The following TTC23 variants were observed in gnomAD, a reference collection of about 807,000 sequenced individuals.
The protein encoded by TTC23 is tetratricopeptide repeat domain 23, also known as tetratricopeptide repeat protein 23.
A neutral mutation model predicts 55.1 loss-of-function variants in TTC23; 58 were observed. The observed-to-expected ratio is 1.05, with a 90% CI of 0.85 to 1.31. The LOEUF (loss-of-function observed/expected upper bound fraction) is 1.31, where lower values mean the gene tolerates loss of function less well. Among genes scored for constraint, TTC23 ranks in the 50% most tolerant of loss-of-function variants. The pLI is 0.00. For synonymous variants in TTC23, 203 were observed against 199.9 expected (o/e 1.02, Z -0.13); for missense variants, 516 against 534.4 (o/e 0.97, Z 0.34).
At chr15:99,167,935 C>G (rs1031032976) in intron 10 of TTC23, among the ~76,000 whole-genome samples, 6 of 152,224 alleles carry the variant, frequency 3.9e-5, no homozygotes, top group African/African-American at 1.4e-4. Context: ...CTGGCGCTAA[C>G]CTGGAGGAGC....
At chr15:99,189,908 G>GC (rs1567435762) in intron 9 of TTC23, among the ~76,000 whole-genome samples, 1 of 152,172 alleles carries the variant, frequency 6.6e-6, no homozygotes, top group African/African-American at 2.4e-5. Flanking sequence ...CAGGAGTAGT[G>GC]ATTCATGCCT....
At chr15:99,175,538 A>C (rs140232252) in intron 9 of TTC23, among the ~76,000 whole-genome samples, 304 of 152,354 alleles carry the variant, frequency 2.0e-3, no homozygotes, top group African/African-American at 5.2e-3. Context: ...GCCAGCCCCA[A>C]AAGTGGGACC....
chr15:99,238,632 T>C (rs1012657194), intron 3 of TTC23, among the ~76,000 whole-genome samples: 1 of 152,106 alleles, frequency 6.6e-6, no homozygotes, highest in African/African-American at 2.4e-5. Context: ...ATTTGGTGTA[T>C]GTGAAATGAG....
intron 10 of TTC23, among the ~76,000 whole-genome samples, chr15:99,174,774 T>C (rs2073350324): frequency 6.6e-6 from 1 of 152,178 alleles, no homozygotes; most frequent in African/African-American, 2.4e-5. Context: ...GTAAGCCCAG[T>C]ACAGATGCTC....
At chr15:99,215,564 G>C (rs545681829) in intron 8 of TTC23, among the ~76,000 whole-genome samples, 1 of 152,106 alleles carries the variant, frequency 6.6e-6, no homozygotes, top group African/African-American at 2.4e-5. Context: ...GGGCAACATA[G>C]CGAAATTTCA....
At chr15:99,198,556 C>T (rs897725644) in intron 9 of TTC23, among the ~76,000 whole-genome samples, 1 of 152,228 alleles carries the variant, frequency 6.6e-6, no homozygotes, top group Non-Finnish European at 1.5e-5. Flanking sequence ...CCAATCCATT[C>T]TCTACAAATC....
At chr15:99,150,119 T>C (rs2069504501) in intron 12 of TTC23, among the ~76,000 whole-genome samples, 2 of 152,228 alleles carry the variant, frequency 1.3e-5, no homozygotes, top group African/African-American at 4.8e-5. Context: ...GAGGTGCTGA[T>C]GGTTGGAAAA....
chr15:99,140,380 A>G (rs2068086331), intron 12 of TTC23: 1 of 152,052 alleles, frequency 6.6e-6, no homozygotes, highest in South Asian at 2.1e-4. Context: ...ATATATATAT[A>G]TATTTTTTGA....
Position 99,156,088 on chromosome 15 carries a change from A to G in TTC23, c.1143+60T>C, listed in dbSNP as rs560695681. The G allele has an allele frequency of 1.9e-5, 30 of 1,607,632 alleles. No homozygotes were observed. The East Asian group carries it at 6.7e-4, about 36-fold the overall frequency. ...AAAAGAACCACCACAAGGGAGAGAA[A>G]TTGACCTTGGAGAGGGGAGGGAGAG... On this transcript the variant is annotated intron_variant, in intron 12 of 13. Transcript: ENST00000394132.
intron 10 of TTC23, among the ~76,000 whole-genome samples, chr15:99,171,926 A>G (rs2072997118): frequency 1.3e-5 from 2 of 152,026 alleles, no homozygotes; most frequent in Admixed American, 6.6e-5. Flanking sequence ...CTAATGCAGA[A>G]GTCACCCCCT....
intron 8 of TTC23, among the ~76,000 whole-genome samples, chr15:99,216,111 G>A (rs73469342): frequency 6.6e-6 from 1 of 152,094 alleles, no homozygotes; most frequent in Non-Finnish European, 1.5e-5. Context: ...ATATAACAAT[G>A]CAATACAATT....
In TTC23 at chr15:99,200,046, G is replaced by T. The variant is rs1376277615; in HGVS notation, c.632C>A (p.Ala211Glu). Residue 211 changes from alanine (A) to glutamate (E), a missense_variant, in exon 9 of 14, where the codon GCA becomes GAA. Coordinates refer to ENST00000394132, the MANE Select transcript of TTC23 (RefSeq NM_001288615.3). ...ACTGATCTCAACATATTCCAAAGCTGCTTGATAGTGGGACAAAGCTTCTTT... is the reference window on the plus strand; with the variant it reads ...ACTGATCTCAACATATTCCAAAGCTTCTTGATAGTGGGACAAAGCTTCTTT... ...KSKEALSHYQAALEYVEISKG... is the reference protein window; with the variant it reads ...KSKEALSHYQEALEYVEISKG... 1 of 1,612,916 alleles carries T rather than the reference G, an allele frequency of 6.2e-7. No homozygotes were observed. Among genetic ancestry groups the T allele is most frequent in the Non-Finnish European group, 8.5e-7 (1 of 1,179,336 alleles).
rs777351335 is a variant in TTC23 at position 99,156,291 on chromosome 15, T to C, written c.1000A>G (p.Thr334Ala). ...LQMTGQKERA[T>A]SILRESLEAK... ...TCCAGGGACTCTCTCAGGATCGAGGTTGCTCTCTGTGAAAGGAACAAAAAG... is the reference window on the plus strand; with the variant it reads ...TCCAGGGACTCTCTCAGGATCGAGGCTGCTCTCTGTGAAAGGAACAAAAAG... The change falls in exon 12 of 14, where the codon ACC becomes GCC. Residue 334 changes from threonine (T) to alanine (A), a missense_variant. By Grantham distance (58) the Thr-to-Ala change is moderately conservative. Transcript: ENST00000394132. The C allele has an allele frequency of 1.1e-5, 17 of 1,614,142 alleles. No individual in the cohort carries two copies. The South Asian group carries it at 1.1e-4, about 10-fold the overall frequency.
chr15:99,139,922 C>CTT (rs2068031230), intron 12 of TTC23: 4 of 376,224 alleles, frequency 1.1e-5, no homozygotes, highest in South Asian at 1.0e-4. Flanking sequence ...CTTCTGCTTA[C>CTT]TTTAAGTCTT....
intron 5 of TTC23, 149 bp from the exon 6 acceptor site, chr15:99,222,013 A>C: frequency 1.2e-6 from 1 of 847,446 alleles, no homozygotes; most frequent in South Asian, 2.2e-5. Context: ...ATCAGAGAAC[A>C]AAACAGACAA....
At chr15:99,166,504 G>A (rs1358518444) in intron 10 of TTC23, among the ~76,000 whole-genome samples, 2 of 152,154 alleles carry the variant, frequency 1.3e-5, no homozygotes, top group Non-Finnish European at 2.9e-5. Flanking sequence ...GTGGACCTCC[G>A]GAAGAGGGAA....
At position 99,185,229 on chromosome 15, in the gene TTC23, A is replaced by C. The variant is rs1479942457; in HGVS notation, c.760-10074T>G. ...ATTTTCAGAGGTGTTTAAAATTAAA[A>C]ATAGCATTTTCTGATTATTTACAAT... is the stretch of plus-strand genomic sequence containing the variant. On this transcript the variant is annotated intron_variant, in intron 9 of 13. Coordinates refer to ENST00000394132, the MANE Select transcript of TTC23 (RefSeq NM_001288615.3). Among the ~76,000 whole-genome samples, 3 of 152,236 alleles carry C rather than the reference A, an allele frequency of 2.0e-5. No homozygotes were observed. The East Asian group carries it at 5.8e-4, about 29-fold the overall frequency.
chr15:99,242,214 A>G (rs1429852646), intron 2 of TTC23, among the ~76,000 whole-genome samples: 3 of 152,148 alleles, frequency 2.0e-5, no homozygotes, highest in Non-Finnish European at 4.4e-5. Context: ...GTTAAGAAGC[A>G]AACTTACCCA....
chr15:99,198,837 T>G (rs1045434507), intron 9 of TTC23, among the ~76,000 whole-genome samples: 5 of 152,238 alleles, frequency 3.3e-5, no homozygotes, highest in African/African-American at 4.8e-5. Flanking sequence ...CTCAGGACCT[T>G]GTCACTGTAT....
Sources: allele counts gnomAD v4.1 joint callset (sites outside exome capture counted in the v4.1 genomes callset), GRCh38; gene constraint gnomAD v4.1.1; transcripts MANE v1.5; gene names NCBI Gene and HGNC (gene_info 2026-07-23, HGNC 2026-07-21).